The following BBX variants were observed in gnomAD, a reference collection of about 807,000 sequenced individuals.
BBX encodes BBX high mobility group box domain containing, also known as HMG box transcription factor BBX.
In BBX, 30 loss-of-function variants were observed where a neutral mutation model predicts 100.2. That is an observed-to-expected ratio of 0.30 (90% CI 0.22 to 0.41). The LOEUF (loss-of-function observed/expected upper bound fraction) is 0.41. BBX is among the 10% of genes least tolerant of loss of function. The pLI, the probability that BBX is intolerant of heterozygous loss-of-function variation, is 1.00. For synonymous variants in BBX, 376 were observed against 388.1 expected (o/e 0.97, Z 0.37); for missense variants, 1,023 against 1,129.8 (o/e 0.91, Z 1.35).
chr3:107,581,291 A>G (rs2052260123), intron 2 of BBX, among the ~76,000 whole-genome samples: 1 of 152,002 alleles, frequency 6.6e-6, no homozygotes, highest in Non-Finnish European at 1.5e-5. Context: ...TGTAGGGTGG[A>G]TAAAAGAGAA....
intron 2 of BBX, among the ~76,000 whole-genome samples, chr3:107,616,749 C>G (rs766688448): frequency 6.6e-6 from 1 of 152,022 alleles, no homozygotes; most frequent in Non-Finnish European, 1.5e-5. Context: ...TGGAGTTTTT[C>G]TTACTGTTGA....
intron 2 of BBX, among the ~76,000 whole-genome samples, chr3:107,617,706 T>C (rs2055400927): frequency 1.3e-5 from 2 of 152,062 alleles, no homozygotes; most frequent in African/African-American, 2.4e-5. Flanking sequence ...ATTGCTCATA[T>C]GTTAAAGTAC....
rs1288718718 is a variant in BBX, at chr3:107,808,698, G to A, written c.*3241G>A. The A allele has an allele frequency of 6.6e-6, 1 of 152,186 alleles. No homozygotes were observed. Among genetic ancestry groups the A allele is most frequent in the Non-Finnish European group, 1.5e-5 (1 of 68,030 alleles). 9.4% of individuals were successfully genotyped at this position (152,186 alleles called of 1,614,324 possible). A position where few individuals can be genotyped will look rare whatever the true frequency, so the allele number is the denominator to read the frequency against. On this transcript the variant is annotated 3_prime_UTR_variant, in exon 18 of 18. Transcript: ENST00000325805. ...AGAAAAATGTCCCACAGCCACATTG[G>A]AAATACAGGTTCTTGTCCCCAAATT...
chr3:107,703,635 C>T (rs1468428554), intron 3 of BBX, among the ~76,000 whole-genome samples: 1 of 152,168 alleles, frequency 6.6e-6, no homozygotes, highest in African/African-American at 2.4e-5. Flanking sequence ...TGAAGAGCTA[C>T]TGCTTTTCAA....
chr3:107,722,422 A>G (rs543401090), intron 5 of BBX, among the ~76,000 whole-genome samples: 1 of 152,004 alleles, frequency 6.6e-6, no homozygotes, highest in East Asian at 1.9e-4. Context: ...AAATTAGTGC[A>G]CACTGATTAA....
chr3:107,617,293 T>A (rs1449231972), intron 2 of BBX, among the ~76,000 whole-genome samples: 1 of 152,224 alleles, frequency 6.6e-6, no homozygotes, highest in Non-Finnish European at 1.5e-5. Flanking sequence ...TTACCATAGC[T>A]ATGTAAGTAT....
At chr3:107,720,940 G>A (rs2062483186) in intron 5 of BBX, among the ~76,000 whole-genome samples, 1 of 151,882 alleles carries the variant, frequency 6.6e-6, no homozygotes, top group Non-Finnish European at 1.5e-5. Context: ...TTATAATCTG[G>A]AGAACTTTTC....
At chr3:107,606,431 G>A (rs1166605932) in intron 2 of BBX, among the ~76,000 whole-genome samples, 1 of 152,194 alleles carries the variant, frequency 6.6e-6, no homozygotes, top group African/African-American at 2.4e-5. Context: ...AATACAGGTT[G>A]ATTGTGTTCC....
intron 10 of BBX, among the ~76,000 whole-genome samples, chr3:107,757,563 G>A (rs1051788492): frequency 6.6e-6 from 1 of 152,018 alleles, no homozygotes; most frequent in Non-Finnish European, 1.5e-5. Flanking sequence ...AAAACTTTCT[G>A]GCATTGTTAT....
intron 10 of BBX, among the ~76,000 whole-genome samples, chr3:107,768,338 T>C (rs1361439018): frequency 1.3e-5 from 2 of 152,216 alleles, no homozygotes; most frequent in African/African-American, 4.8e-5. Flanking sequence ...TTTTGACAGA[T>C]GTTACAATGT....
chr3:107,588,268 A>G (rs1206263763), intron 2 of BBX, among the ~76,000 whole-genome samples: 1 of 151,348 alleles, frequency 6.6e-6, no homozygotes, highest in Non-Finnish European at 1.5e-5. Flanking sequence ...GGCCTTGAGG[A>G]GGTAGAGAAA....
chr3:107,586,434 C>G (rs2052844121), intron 2 of BBX, among the ~76,000 whole-genome samples: 1 of 151,870 alleles, frequency 6.6e-6, no homozygotes, highest in African/African-American at 2.4e-5. Flanking sequence ...TCAGGGGTCA[C>G]CTAGTTTTTA....
chr3:107,788,089 G>A (rs2068623462), intron 13 of BBX, among the ~76,000 whole-genome samples: 1 of 152,152 alleles, frequency 6.6e-6, no homozygotes, highest in Non-Finnish European at 1.5e-5. Flanking sequence ...GCATTTTTGA[G>A]TCTTCAACCT....
chr3:107,800,955 G>T (rs2070385808), intron 16 of BBX, 140 bp from the exon 17 acceptor site: 3 of 797,016 alleles, frequency 3.8e-6, no homozygotes, highest in Non-Finnish European at 6.0e-6. Context: ...TTCTGTAAAA[G>T]CCTTAATATT....
At chr3:107,654,613 G>A (rs767776256) in intron 3 of BBX, among the ~76,000 whole-genome samples, 10 of 152,260 alleles carry the variant, frequency 6.6e-5, no homozygotes, top group Non-Finnish European at 1.5e-4. Context: ...AATATGGGTA[G>A]GCAGAAACTT....
intron 2 of BBX, among the ~76,000 whole-genome samples, chr3:107,568,017 A>T (rs1041124660): frequency 6.4e-5 from 9 of 141,706 alleles, no homozygotes; most frequent in Non-Finnish European, 7.8e-5. Context: ...CAGGTTGATT[A>T]AAAAAAAAAA....
chr3:107,604,749 G>A (rs369223557), intron 2 of BBX, among the ~76,000 whole-genome samples: 4 of 48,838 alleles, frequency 8.2e-5, no homozygotes, highest in African/African-American at 1.5e-4. Flanking sequence ...TCCCACCCCC[G>A]CCCCAACTTT....
At chr3:107,548,462 G>A (rs1490682733) in intron 2 of BBX, among the ~76,000 whole-genome samples, 1 of 152,132 alleles carries the variant, frequency 6.6e-6, no homozygotes, top group African/African-American at 2.4e-5. Flanking sequence ...GTTTTTGGGA[G>A]ATGTTTTGGG....
chr3:107,745,482 G>T (rs1181895298), intron 8 of BBX, among the ~76,000 whole-genome samples: 1 of 151,768 alleles, frequency 6.6e-6, no homozygotes, highest in Non-Finnish European at 1.5e-5. Flanking sequence ...TTTTTTTTAA[G>T]AGAGAGTCTC....
Sources: allele counts gnomAD v4.1 joint callset (sites outside exome capture counted in the v4.1 genomes callset), GRCh38; gene constraint gnomAD v4.1.1; transcripts MANE v1.5; gene names NCBI Gene and HGNC (gene_info 2026-07-23, HGNC 2026-07-21).